Variants in MYO3A observed in about 807,000 individuals in gnomAD.
The protein encoded by MYO3A is myosin IIIA.
Under a neutral mutation model 192.7 loss-of-function variants are expected in MYO3A, and 180 were observed. That is an observed-to-expected ratio of 0.93 (90% CI 0.83 to 1.06). The LOEUF is 1.06. Ranked by LOEUF, MYO3A falls within the 50% of genes least tolerant of loss-of-function variation. The probability of loss-of-function intolerance (pLI) is 0.00; values close to 1 mark genes in which losing one functional copy is unlikely to be tolerated. For synonymous variants in MYO3A, 628 were observed against 645.3 expected, an observed-to-expected ratio of 0.97 and a Z score of 0.41; for missense variants, 1,896 against 1,905.0, an observed-to-expected ratio of 1.00 and a Z score of 0.09.
rs141437315 is a variant in MYO3A, at chr10:26,041,760, T to G, written c.953+15228T>G. Among the ~76,000 whole-genome samples, 422 of 152,262 alleles carry G rather than the reference T, an allele frequency of 2.8e-3. 2 individuals are homozygous for G. The highest frequency in any genetic ancestry group is 3.0e-3 in the Non-Finnish European group (201 of 67,960). ...CATTATTCTGCTTTTTAACTTTTTG[T>G]TGTTTCTGTCCATATCTTCTTGTAC... On this transcript the variant is annotated intron_variant, in intron 10 of 34. Transcript: ENST00000642920.
At chr10:26,100,050 T>A (rs929973453) in intron 17 of MYO3A, among the ~76,000 whole-genome samples, 1 of 152,216 alleles carries the variant, frequency 6.6e-6, no homozygotes, top group Middle Eastern at 3.2e-3. Flanking sequence ...CTGGACTTTT[T>A]TTGATTCGTA....
In MYO3A at chr10:26,010,566, C is replaced by T. The variant is rs559899805; in HGVS notation, c.509-6254C>T. ...GCAACCTCCGCCTCCTGGATTCAAG[C>T]GATTCTTCTGCCTCAGCCTCCCAAA... On this transcript the variant is annotated intron_variant, in intron 6 of 34. Coordinates refer to ENST00000642920, the MANE Select transcript of MYO3A (RefSeq NM_017433.5). 1.1e-4 allele frequency among the ~76,000 whole-genome samples: 17 copies of T among 150,566 alleles called. 1 individual carries two copies. The South Asian group carries it at 1.9e-3, about 17-fold the overall frequency.
chr10:26,002,686 TTGA>T (rs1840915137), intron 6 of MYO3A, among the ~76,000 whole-genome samples: 2 of 152,088 alleles, frequency 1.3e-5, no homozygotes, highest in Admixed American at 6.5e-5. Context: ...GAGCAGGTGA[TTGA>T]AATGAGTCAG....
chr10:26,075,967 A>G (rs569469854), intron 14 of MYO3A, among the ~76,000 whole-genome samples: 6 of 151,822 alleles, frequency 4.0e-5, no homozygotes, highest in Admixed American at 6.6e-5. Flanking sequence ...GGCGTGTGCA[A>G]GTATCTTTTA....
chr10:25,959,786 C>T (rs7904403), intron 4 of MYO3A, among the ~76,000 whole-genome samples: 1,661 of 146,438 alleles, frequency 0.011, 39 homozygotes, highest in African/African-American at 0.04. Flanking sequence ...AACAAAATTT[C>T]CAGTCTCTTA....
chr10:26,019,462 A>G (rs143757802), intron 7 of MYO3A, among the ~76,000 whole-genome samples: 10,031 of 151,920 alleles, frequency 0.066, 412 homozygotes, highest in Non-Finnish European at 0.094. Flanking sequence ...AACTACAGGC[A>G]ACTGCCACCA....
At chr10:26,015,292 TTC>T (rs1476621264) in intron 6 of MYO3A, among the ~76,000 whole-genome samples, 5 of 152,144 alleles carry the variant, frequency 3.3e-5, no homozygotes, top group African/African-American at 9.7e-5. Context: ...CATCAGCAGC[TTC>T]TCTCTTGAGA....
chr10:26,028,505 T>G (rs1842663359), intron 10 of MYO3A, among the ~76,000 whole-genome samples: 1 of 152,248 alleles, frequency 6.6e-6, no homozygotes, highest in Admixed American at 6.5e-5. Flanking sequence ...CATGCCCATC[T>G]TTTTATCTTT....
At chr10:26,129,204 G>A (rs571970708) in intron 20 of MYO3A, among the ~76,000 whole-genome samples, 1 of 152,138 alleles carries the variant, frequency 6.6e-6, no homozygotes, top group South Asian at 2.1e-4. Flanking sequence ...TAAATTAGAG[G>A]TACATGAACT....
At chr10:26,151,460 T>A (rs1174525482) in intron 23 of MYO3A, among the ~76,000 whole-genome samples, 1 of 152,052 alleles carries the variant, frequency 6.6e-6, no homozygotes, top group African/African-American at 2.4e-5. Context: ...AAATCTACTT[T>A]GCCTAATATT....
At chr10:25,996,774 T>C (rs1471554346) in intron 5 of MYO3A, among the ~76,000 whole-genome samples, 180 bp downstream of exon 5, 1 of 152,212 alleles carries the variant, frequency 6.6e-6, no homozygotes, top group Non-Finnish European at 1.5e-5. Context: ...CAAATTTACT[T>C]TCATTGGACC....
At chr10:26,020,772 G>T (rs1386056471) in intron 7 of MYO3A, among the ~76,000 whole-genome samples, 2 of 152,116 alleles carry the variant, frequency 1.3e-5, no homozygotes, top group African/African-American at 4.8e-5. Context: ...AGTAATCAAT[G>T]CAATAATTTC....
intron 14 of MYO3A, among the ~76,000 whole-genome samples, chr10:26,070,628 T>G (rs923831909): frequency 9.2e-5 from 14 of 152,076 alleles, no homozygotes; most frequent in African/African-American, 3.4e-4. Flanking sequence ...GCAAGGCTTA[T>G]AAAGGTGATT....
intron 14 of MYO3A, among the ~76,000 whole-genome samples, chr10:26,077,085 G>A (rs181627327): frequency 6.6e-6 from 1 of 152,058 alleles, no homozygotes; most frequent in Non-Finnish European, 1.5e-5. Flanking sequence ...ATTGCTTTTG[G>A]CAGTATTGTC....
chr10:26,188,778 G>A (rs555944141), intron 31 of MYO3A, among the ~76,000 whole-genome samples: 7 of 152,256 alleles, frequency 4.6e-5, no homozygotes, highest in Non-Finnish European at 8.8e-5. Flanking sequence ...TGTCAGGTTT[G>A]TCAAAGATCA....
intron 6 of MYO3A, among the ~76,000 whole-genome samples, chr10:26,005,863 A>C (rs1012813705): frequency 3.3e-5 from 5 of 152,060 alleles, no homozygotes; most frequent in African/African-American, 1.2e-4. Flanking sequence ...TTAATATATT[A>C]CTCATCCAGA....
At chr10:25,943,012 CAT>C (rs1836599769) in intron 2 of MYO3A, among the ~76,000 whole-genome samples, 1 of 151,834 alleles carries the variant, frequency 6.6e-6, no homozygotes, top group Non-Finnish European at 1.5e-5. Flanking sequence ...TCCGAGAAAT[CAT>C]TGCCAAATCC....
At chr10:26,066,179 AT>A (rs1834832067) in intron 10 of MYO3A, among the ~76,000 whole-genome samples, 1 of 151,730 alleles carries the variant, frequency 6.6e-6, no homozygotes, top group Non-Finnish European at 1.5e-5. Flanking sequence ...CAGGCAGTTT[AT>A]TAATAGGCTT....
At chr10:26,033,087 T>C (rs576498961) in intron 10 of MYO3A, among the ~76,000 whole-genome samples, 9 of 152,320 alleles carry the variant, frequency 5.9e-5, no homozygotes, top group Admixed American at 3.9e-4. Flanking sequence ...TTTATTTATT[T>C]TTTTGAGACA....
Sources: allele counts gnomAD v4.1 joint callset (sites outside exome capture counted in the v4.1 genomes callset), GRCh38; gene constraint gnomAD v4.1.1; transcripts MANE v1.5; gene names NCBI Gene and HGNC (gene_info 2026-07-23, HGNC 2026-07-21).